Variants in GCH1 observed in about 807,000 individuals in gnomAD.
GCH1 encodes the protein GTP cyclohydrolase I.
GCH1 carries 5 observed loss-of-function variants against 25.9 expected under a neutral mutation model. The observed-to-expected ratio is 0.19, with a 90% confidence interval of 0.10 to 0.41. The LOEUF (loss-of-function observed/expected upper bound fraction) is 0.41, where lower values mean the gene tolerates loss of function less well. Among genes scored for constraint, GCH1 ranks in the 10% least tolerant of loss-of-function variants. The probability of loss-of-function intolerance (pLI) is 1.00; values close to 1 mark genes in which losing one functional copy is unlikely to be tolerated. For missense variants in GCH1, 261 were observed against 336.5 expected, an observed-to-expected ratio of 0.78 and a Z score of 1.75; for synonymous variants, 159 against 129.6, an observed-to-expected ratio of 1.23 and a Z score of -1.54.
intron 1 of GCH1, among the ~76,000 whole-genome samples, chr14:54,875,717 C>G (rs548574307): frequency 6.6e-6 from 1 of 152,120 alleles, no homozygotes; most frequent in Non-Finnish European, 1.5e-5. Context: ...AAAAGAAGAC[C>G]TTTATGCAGC....
At chr14:54,880,791 CATATATATATATATACTCCAT>C (rs1566677293) in intron 1 of GCH1, among the ~76,000 whole-genome samples, 4 of 43,720 alleles carry the variant, frequency 9.1e-5, no homozygotes, top group African/African-American at 4.7e-4. Context: ...ATATATACTC[CATATATATATATATACTCCAT>C]ATATATATAT....
intron 2 of GCH1, among the ~76,000 whole-genome samples, chr14:54,863,903 G>C (rs1342138418): frequency 6.6e-6 from 1 of 152,070 alleles, no homozygotes; most frequent in Non-Finnish European, 1.5e-5. Context: ...CTGTTGCCCA[G>C]GCTAGGATAT....
chr14:54,873,478 A>T (rs1207413998), intron 1 of GCH1, among the ~76,000 whole-genome samples: 1 of 152,232 alleles, frequency 6.6e-6, no homozygotes, highest in African/African-American at 2.4e-5. Flanking sequence ...AGCAGAAGGC[A>T]AGAAATAACT....
At chr14:54,892,845 G>A (rs946119882) in intron 1 of GCH1, among the ~76,000 whole-genome samples, 1 of 152,142 alleles carries the variant, frequency 6.6e-6, no homozygotes, top group African/African-American at 2.4e-5. Flanking sequence ...CTAGGAGGTT[G>A]AGACAGGCCA....
intron 3 of GCH1, among the ~76,000 whole-genome samples, chr14:54,847,890 A>C (rs867237738): frequency 2.0e-5 from 3 of 152,138 alleles, no homozygotes; most frequent in African/African-American, 7.2e-5. Context: ...CTGATTAATC[A>C]TATTGTTTTA....
At chr14:54,879,420 C>CAAAA (rs34163543) in intron 1 of GCH1, among the ~76,000 whole-genome samples, 3 of 59,902 alleles carry the variant, frequency 5.0e-5, no homozygotes, top group African/African-American at 1.0e-4. Context: ...GTCCCTGTCT[C>CAAAA]AAAAAAAAAA....
chr14:54,870,294 T>A (rs1206669948), intron 1 of GCH1, among the ~76,000 whole-genome samples: 1 of 128,634 alleles, frequency 7.8e-6, no homozygotes, highest in Non-Finnish European at 1.5e-5. Flanking sequence ...GGCCAAGAGT[T>A]CAAGACCAGA....
chr14:54,885,911 CAA>C (rs1015405707), intron 1 of GCH1: 1 of 186,768 alleles, frequency 5.4e-6, no homozygotes, highest in Non-Finnish European at 1.1e-5. Context: ...ACAACAACAA[CAA>C]AAAAAAACGG....
At position 54,843,508 on chromosome 14, in the gene GCH1, A is replaced by G; in HGVS notation, c.*509T>C. On this transcript the variant is annotated 3_prime_UTR_variant, in exon 6 of 6. Transcript: ENST00000491895. The stretch of plus-strand genomic sequence containing the variant: ...ACGACTGCTAAAAATATATTTTTAA[A>G]TGTCACTGGTGGTTTAATAAACATG... 1 of 1,293,018 alleles carries G rather than the reference A, an allele frequency of 7.7e-7. No individual in the cohort carries two copies. The allele number at this position is 1,293,018 out of a possible 1,614,324, so 80.1% of individuals were successfully genotyped here.
chr14:54,849,735 A>T (rs909086587), intron 3 of GCH1, among the ~76,000 whole-genome samples: 6 of 152,192 alleles, frequency 3.9e-5, no homozygotes, highest in Admixed American at 2.0e-4. Flanking sequence ...AGGGCATATT[A>T]TACCCTCCCA....
chr14:54,879,420 C>CAAA lies in GCH1; in HGVS notation c.344-13987_344-13985dup, dbSNP rs34163543. On this transcript the variant is annotated intron_variant, in intron 1 of 5. Transcript: ENST00000491895. ...TGGGCAACAGAGCAAGTCCCTGTCT[C>CAAA]AAAAAAAAAAAAAAAAAAAAAAAAA... Among the ~76,000 whole-genome samples, 18 of 59,900 alleles carry CAAA rather than the reference C, an allele frequency of 3.0e-4. 1 individual carries two copies. The highest frequency in any genetic ancestry group is 4.6e-4 in the Admixed American group (2 of 4,318). 39.3% of individuals were successfully genotyped at this position (59,900 alleles called of 152,430 possible). A position where few individuals can be genotyped will look rare whatever the true frequency, so the allele number is the denominator to read the frequency against.
chr14:54,896,286 G>A (rs963544176), intron 1 of GCH1, among the ~76,000 whole-genome samples: 4 of 152,028 alleles, frequency 2.6e-5, no homozygotes, highest in Admixed American at 1.3e-4. Flanking sequence ...AGAAATAAAA[G>A]GGATTGTGCA....
chr14:54,845,947 C>T, intron 4 of GCH1, 95 bp from the exon 5 acceptor site: 1 of 797,834 alleles, frequency 1.3e-6, no homozygotes, highest in South Asian at 1.4e-5. Context: ...AAAAATCAGA[C>T]TTCTGTGAGA....
Position 54,843,323 on chromosome 14 carries a change from A to G in GCH1, c.*694T>C. On this transcript the variant is annotated 3_prime_UTR_variant, in exon 6 of 6. Coordinates refer to ENST00000491895, the MANE Select transcript of GCH1 (RefSeq NM_000161.3). ...AAGGCACAGAGAGTTAAATGTCTAA[A>G]TCCCTGTATGTTGACACGAGAATAC... 7.6e-7 allele frequency: 1 copy of G among 1,316,144 alleles called. No homozygotes were observed. Among genetic ancestry groups the G allele is most frequent in the South Asian group, 2.2e-5 (1 of 45,602 alleles). 81.5% of individuals were successfully genotyped at this position (1,316,144 alleles called of 1,614,324 possible).
chr14:54,871,682 G>A lies in GCH1; in HGVS notation c.344-6246C>T, dbSNP rs529265024. 4.6e-5 allele frequency among the ~76,000 whole-genome samples: 7 copies of A among 152,228 alleles called. No homozygotes were observed. In the East Asian group the frequency reaches 9.7e-4, roughly 21 times the overall value. On this transcript the variant is annotated intron_variant, in intron 1 of 5. Coordinates refer to ENST00000491895, the MANE Select transcript of GCH1 (RefSeq NM_000161.3). Reference sequence around the variant, plus strand: ...CTGATGGAGCTGAAAACCATGGCACGAGAACTACGTGATGAATGCACAAGC... The same window carrying A: ...CTGATGGAGCTGAAAACCATGGCACAAGAACTACGTGATGAATGCACAAGC...
chr14:54,891,567 G>A (rs2040423942), intron 1 of GCH1, among the ~76,000 whole-genome samples: 1 of 151,992 alleles, frequency 6.6e-6, no homozygotes, highest in Non-Finnish European at 1.5e-5. Context: ...ATGCCACTAT[G>A]CCTGCTTAAT....
At chr14:54,851,937 A>G (rs1351557495) in intron 3 of GCH1, among the ~76,000 whole-genome samples, 3 of 152,256 alleles carry the variant, frequency 2.0e-5, no homozygotes, top group African/African-American at 7.2e-5. Context: ...TGTTTATTGC[A>G]GCACTACTCA....
At chr14:54,888,092 C>T (rs1379529232) in intron 1 of GCH1, among the ~76,000 whole-genome samples, 1 of 152,128 alleles carries the variant, frequency 6.6e-6, no homozygotes, top group Non-Finnish European at 1.5e-5. Flanking sequence ...TCTGTCTAAT[C>T]AAAGGAGCTA....
chr14:54,847,427 G>C (rs189992719), intron 3 of GCH1, among the ~76,000 whole-genome samples: 4 of 152,090 alleles, frequency 2.6e-5, no homozygotes, highest in African/African-American at 7.2e-5. Flanking sequence ...AATCTGGGTG[G>C]GCACAATCTC....
Sources: allele counts gnomAD v4.1 joint callset (sites outside exome capture counted in the v4.1 genomes callset), GRCh38; gene constraint gnomAD v4.1.1; transcripts MANE v1.5; gene names NCBI Gene and HGNC (gene_info 2026-07-23, HGNC 2026-07-21).